The following AKAP9 variants were observed in gnomAD, a reference collection of about 807,000 sequenced individuals.
The protein encoded by AKAP9 is A-kinase anchoring protein 9, also known as A-kinase anchor protein 9.
A neutral mutation model predicts 488.5 loss-of-function variants in AKAP9; 311 were observed. The observed-to-expected ratio is 0.64, with a 90% CI of 0.58 to 0.70. The LOEUF (loss-of-function observed/expected upper bound fraction) is 0.70, where lower values mean the gene tolerates loss of function less well. AKAP9 is among the 30% of genes least tolerant of loss of function. The probability of loss-of-function intolerance (pLI) is 0.00; values close to 1 mark genes in which losing one functional copy is unlikely to be tolerated. For synonymous variants in AKAP9, 1,462 were observed against 1,483.5 expected (o/e 0.99, Z 0.33); for missense variants, 4,215 against 4,374.5 (o/e 0.96, Z 1.03).
At position 92,062,369 on chromosome 7, in the gene AKAP9, T is replaced by C; in HGVS notation, c.5860T>C (p.Cys1954Arg). ...AGATCGTCTTGAGCAGGAGTTGTTA[T>C]GTGCAAGTAACAGGTTGCAAGAATT... ...IIDRLEQELL[C>R]ASNRLQELEA... Residue 1954 changes from cysteine to arginine, a missense_variant, in exon 24 of 50, where the codon TGT (cysteine) becomes CGT (arginine). Transcript: ENST00000356239. 1.9e-6 allele frequency: 3 copies of C among 1,613,960 alleles called. No individual in the cohort carries two copies. Among genetic ancestry groups the C allele is most frequent in the Non-Finnish European group, 2.5e-6 (3 of 1,179,866 alleles).
chr7:92,047,578 TTCTC>T (rs1807220904), intron 21 of AKAP9, among the ~76,000 whole-genome samples: 1 of 152,190 alleles, frequency 6.6e-6, no homozygotes, highest in Non-Finnish European at 1.5e-5. Context: ...ACTGAGCTAT[TTCTC>T]TATGCTCTCA....
intron 38 of AKAP9, chr7:92,092,154 T>C (rs1448129966): frequency 6.6e-6 from 1 of 152,224 alleles, no homozygotes; most frequent in Non-Finnish European, 1.5e-5. Flanking sequence ...AAAAAAGGAA[T>C]CCTGATACAT....
chr7:91,973,384 A>G (rs192544528), intron 1 of AKAP9, among the ~76,000 whole-genome samples: 20 of 152,218 alleles, frequency 1.3e-4, no homozygotes, highest in African/African-American at 4.6e-4. Flanking sequence ...CAAAAAATAA[A>G]ATAAAATCTT....
intron 38 of AKAP9, among the ~76,000 whole-genome samples, chr7:92,091,556 A>T (rs1486079430): frequency 1.4e-5 from 2 of 146,098 alleles, no homozygotes; most frequent in Non-Finnish European, 3.0e-5. Flanking sequence ...ATTGTACTCC[A>T]GCTTGGACGA....
chr7:92,028,525 G>A (rs1383931271), intron 14 of AKAP9, among the ~76,000 whole-genome samples: 5 of 152,038 alleles, frequency 3.3e-5, no homozygotes, highest in Admixed American at 3.3e-4. Flanking sequence ...AGAGAAGAAA[G>A]ACAAGGGAAT....
intron 1 of AKAP9, among the ~76,000 whole-genome samples, chr7:91,945,370 C>A (rs1210971697): frequency 6.6e-6 from 1 of 152,048 alleles, no homozygotes; most frequent in Non-Finnish European, 1.5e-5. Context: ...ATTAGCCAGG[C>A]GTGGTGGCAG....
chr7:91,976,028 G>C (rs767884709), intron 2 of AKAP9, among the ~76,000 whole-genome samples: 1 of 150,522 alleles, frequency 6.6e-6, no homozygotes, highest in Non-Finnish European at 1.5e-5. Flanking sequence ...TCCCAGGTTC[G>C]AGTGATTCTC....
chr7:92,074,781 A>G (rs954224265), intron 28 of AKAP9, among the ~76,000 whole-genome samples: 1 of 152,162 alleles, frequency 6.6e-6, no homozygotes, highest in Non-Finnish European at 1.5e-5. Context: ...CAAACACCAC[A>G]TGTTCTCACT....
chr7:91,994,496 T>G (rs1208966232), intron 5 of AKAP9, 125 bp from the exon 6 acceptor site: 2 of 853,864 alleles, frequency 2.3e-6, no homozygotes, highest in African/African-American at 1.7e-5. Flanking sequence ...TTTTCAAATG[T>G]GGAAAATACT....
At chr7:92,035,194 C>T (rs1447900670) in intron 16 of AKAP9, among the ~76,000 whole-genome samples, 1 of 152,164 alleles carries the variant, frequency 6.6e-6, no homozygotes, top group South Asian at 2.1e-4. Context: ...ATATTATTTC[C>T]CCCGTGACTT....
chr7:92,066,504 T>G lies in AKAP9; in HGVS notation c.6288T>G (p.Val2096=). The G allele has an allele frequency of 6.2e-7, 1 of 1,613,600 alleles. No individual in the cohort carries two copies. Among genetic ancestry groups the G allele is most frequent in the Non-Finnish European group, 8.5e-7 (1 of 1,179,688 alleles). The change falls in exon 26 of 50, where the codon GTT becomes GTG. Residue 2096 remains valine (V), a synonymous_variant. Transcript: ENST00000356239. Reference sequence around the variant, plus strand: ...AGAAACTAGAACAGCAACTTAAGGTTGTTCCTCGATTCCAGCCTATCAGTG... The same window carrying G: ...AGAAACTAGAACAGCAACTTAAGGTGGTTCCTCGATTCCAGCCTATCAGTG... ...EIQKLEQQLK[V]VPRFQPISEH...
At position 92,002,781 on chromosome 7, in the gene AKAP9, T is replaced by G; in HGVS notation, c.2864T>G (p.Leu955Arg). 6.2e-7 allele frequency: 1 copy of G among 1,613,754 alleles called. No individual in the cohort carries two copies. Among genetic ancestry groups the G allele is most frequent in the Admixed American group, 1.7e-5 (1 of 59,990 alleles). Residue 955 changes from leucine (L) to arginine (R), a missense_variant, in exon 8 of 50, where the codon CTG becomes CGG. Transcript: ENST00000356239. ...LEVTKREKLELSQRLSDLSEQ... is the reference protein window; with the variant it reads ...LEVTKREKLERSQRLSDLSEQ... ...GTAACCAAGCGAGAGAAATTAGAGCTGTCACAGAGACTGTCTGATCTTTCT... is the reference window on the plus strand; with the variant it reads ...GTAACCAAGCGAGAGAAATTAGAGCGGTCACAGAGACTGTCTGATCTTTCT...
rs1387461561 is a variant in AKAP9 at position 91,940,896 on chromosome 7, G to GGCC, written c.-202_-201insCGC. ...TGGAGACGAAGATGGCGGCGGCGGCGGCGGTGACGGCGCTTCCCGTGCGGC... is the reference window on the plus strand; with the variant it reads ...TGGAGACGAAGATGGCGGCGGCGGCGGCCGCGGTGACGGCGCTTCCCGTGCGGC... On this transcript the variant is annotated 5_prime_UTR_variant, in exon 1 of 50. Transcript: ENST00000356239. 3.2e-5 allele frequency: 20 copies of GGCC among 617,306 alleles called. No individual in the cohort carries two copies. The highest frequency in any genetic ancestry group is 5.8e-5 in the Non-Finnish European group (20 of 344,744). 38.2% of individuals were successfully genotyped at this position (617,306 alleles called of 1,614,324 possible).
chr7:91,975,026 A>AT (rs1795485324), intron 2 of AKAP9, among the ~76,000 whole-genome samples: 1 of 151,866 alleles, frequency 6.6e-6, no homozygotes, highest in Admixed American at 6.6e-5. Context: ...AATGTTTTGT[A>AT]TTTTTGGTAG....
In AKAP9 at chr7:92,014,200, T is replaced by G. The variant is rs1339913254; in HGVS notation, c.3533-49T>G. Reference sequence around the variant, plus strand: ...AAACATAAGTTAAATATGATCATAGTTCTTAAGTATGTAAATTGAATTTCT... The same window carrying G: ...AAACATAAGTTAAATATGATCATAGGTCTTAAGTATGTAAATTGAATTTCT... On this transcript the variant is annotated intron_variant, in intron 9 of 49. Transcript: ENST00000356239. 4 of 1,267,998 alleles carry G rather than the reference T, an allele frequency of 3.2e-6. No individual in the cohort carries two copies. The East Asian group carries it at 9.3e-5, about 29-fold the overall frequency. The allele number at this position is 1,267,998 out of a possible 1,614,324, so 78.5% of individuals were successfully genotyped here.
rs140845045 is a variant in AKAP9, at chr7:91,951,027, C to G, written c.48+9880C>G. 6.6e-5 allele frequency among the ~76,000 whole-genome samples: 10 copies of G among 151,996 alleles called. No individual in the cohort carries two copies. The East Asian group carries it at 1.9e-3, about 29-fold the overall frequency. The stretch of plus-strand genomic sequence containing the variant: ...TTTCTAATGACTCAACAAGAGAACT[C>G]TCACTTTTCCACTTTAAACAACCAT... On this transcript the variant is annotated intron_variant, in intron 1 of 49. Transcript: ENST00000356239.
chr7:92,001,304 A>G lies in AKAP9; in HGVS notation c.1387A>G (p.Met463Val), dbSNP rs1436907898. The G allele has an allele frequency of 1.9e-6, 3 of 1,614,038 alleles. No individual in the cohort carries two copies. Among genetic ancestry groups the G allele is most frequent in the Non-Finnish European group, 1.7e-6 (2 of 1,179,908 alleles). ...ACAACACATGGCACAGATGGAGGAAATGAAAACACGGCATAAGGGAGAAAT... is the reference window on the plus strand; with the variant it reads ...ACAACACATGGCACAGATGGAGGAAGTGAAAACACGGCATAAGGGAGAAAT... ...IRQHMAQMEE[M>V]KTRHKGEMEN... Residue 463 changes from methionine to valine, a missense_variant, in exon 8 of 50, where the codon ATG becomes GTG. Around this residue, in one of 5 missense-constraint regions of AKAP9, gnomAD observed 2,361 missense variants for 2,430.0 expected, o/e 0.97. Transcript: ENST00000356239.
At chr7:91,955,594 A>G (rs137883515) in intron 1 of AKAP9, among the ~76,000 whole-genome samples, 1 of 152,366 alleles carries the variant, frequency 6.6e-6, no homozygotes, top group African/African-American at 2.4e-5. Context: ...ACGTCTGCAT[A>G]GTATTCCATT....
intron 24 of AKAP9, chr7:92,063,463 A>T (rs1810246439): frequency 1.0e-6 from 1 of 969,976 alleles, no homozygotes; most frequent in Non-Finnish European, 1.2e-6. Flanking sequence ...TTTTCCTAGG[A>T]CTAGTAGATG....
Sources: allele counts gnomAD v4.1 joint callset (sites outside exome capture counted in the v4.1 genomes callset), GRCh38; gene constraint gnomAD v4.1.1; regional missense constraint gnomAD v4.1.1; transcripts MANE v1.5; gene names NCBI Gene and HGNC (gene_info 2026-07-23, HGNC 2026-07-21).